MYEF2: variants seen among roughly 807,000 people sequenced by gnomAD.
The protein encoded by MYEF2 is myelin expression factor 2.
In MYEF2, 37 loss-of-function variants were observed where a neutral mutation model predicts 75.2. The observed-to-expected ratio is 0.49, with a 90% CI of 0.38 to 0.65. The LOEUF (loss-of-function observed/expected upper bound fraction) is 0.65. Among genes scored for constraint, MYEF2 ranks in the 30% least tolerant of loss-of-function variants. MYEF2 has a pLI of 0.00. For missense variants in MYEF2, 634 were observed against 771.4 expected, an observed-to-expected ratio of 0.82 and a Z score of 2.11; for synonymous variants, 195 against 241.6, an observed-to-expected ratio of 0.81 and a Z score of 1.79.
chr15:48,154,256 A>G (rs2039601276), intron 9 of MYEF2, among the ~76,000 whole-genome samples: 1 of 152,140 alleles, frequency 6.6e-6, no homozygotes, highest in Admixed American at 6.6e-5. Context: ...AAATTTGTAG[A>G]CCCACTTAAA....
In MYEF2 at chr15:48,159,811, C is replaced by T. The variant is rs972048549; in HGVS notation, c.526-7G>A. The T allele has an allele frequency of 1.2e-6, 2 of 1,605,196 alleles. No homozygotes were observed. Among genetic ancestry groups the T allele is most frequent in the Non-Finnish European group, 1.7e-6 (2 of 1,176,900 alleles). ...CATTTTCTCCATCAGGATCCTATAA[C>T]ACACATTGAATGTTAAATTCCACTA... On this transcript the variant is annotated splice_polypyrimidine_tract_variant and splice_region_variant and intron_variant, in intron 5 of 16. Coordinates refer to ENST00000324324, the MANE Select transcript of MYEF2 (RefSeq NM_016132.5).
chr15:48,143,074 G>A lies in MYEF2; in HGVS notation c.1640-3C>T, dbSNP rs764447497. On this transcript the variant is annotated splice_region_variant and splice_polypyrimidine_tract_variant and intron_variant, in intron 16 of 16. Coordinates refer to ENST00000324324, the MANE Select transcript of MYEF2 (RefSeq NM_016132.5). ...TATTTCTGCAAACATTACATGACCT[G>A]TAAAATAAAAGTTACAGAATTACTA... The A allele has an allele frequency of 1.3e-6, 2 of 1,503,000 alleles. No individual in the cohort carries two copies. The highest frequency in any genetic ancestry group is 2.6e-5 in the East Asian group (1 of 39,190). 93.1% of individuals were successfully genotyped at this position (1,503,000 alleles called of 1,614,324 possible).
rs138732083 is a variant in MYEF2, at chr15:48,166,818, T to C, written c.423+531A>G. Among the ~76,000 whole-genome samples the C allele has an allele frequency of 8.5e-5, 13 of 152,162 alleles. No homozygotes were observed. The East Asian group carries it at 2.3e-3, about 27-fold the overall frequency. ...CCATTGTATTCTTCAGTATACTGCA[T>C]TCTTATTGCTAAAAATCAAAATATA... On this transcript the variant is annotated intron_variant, in intron 3 of 16. Transcript: ENST00000324324.
At position 48,135,674 on chromosome 15, in the gene MYEF2, T is replaced by C. The variant is rs1355992923; in HGVS notation, c.*7234A>G. On this transcript the variant is annotated 3_prime_UTR_variant, in exon 17 of 17. Coordinates refer to ENST00000324324, the MANE Select transcript of MYEF2 (RefSeq NM_016132.5). The stretch of plus-strand genomic sequence containing the variant: ...GTAAAACACAGCTACACAGGTTATA[T>C]ACATTGCATAACTCCAGAGGACACC... 3 of 151,204 alleles carry C rather than the reference T, an allele frequency of 2.0e-5. No homozygotes were observed. The highest frequency in any genetic ancestry group is 7.3e-5 in the African/African-American group (3 of 41,004). The allele number at this position is 151,204 out of a possible 1,614,324, so 9.4% of individuals were successfully genotyped here. A position where few individuals can be genotyped will look rare whatever the true frequency, so the allele number is the denominator to read the frequency against.
chr15:48,137,808 A>G lies in MYEF2; in HGVS notation c.*5100T>C, dbSNP rs2038939109. On this transcript the variant is annotated 3_prime_UTR_variant, in exon 17 of 17. Transcript: ENST00000324324. ...CTGGTTTGGAAGAAAGAAGAAAAACAGCTGAGGTTTACCATTGTTTAAAGC... is the reference window on the plus strand; with the variant it reads ...CTGGTTTGGAAGAAAGAAGAAAAACGGCTGAGGTTTACCATTGTTTAAAGC... The G allele has an allele frequency of 6.6e-6, 1 of 152,184 alleles. No homozygotes were observed. The highest frequency in any genetic ancestry group is 2.4e-5 in the African/African-American group (1 of 41,454). 9.4% of individuals were successfully genotyped at this position (152,184 alleles called of 1,614,324 possible).
chr15:48,171,025 TA>T (rs1372709166), intron 1 of MYEF2, among the ~76,000 whole-genome samples: 2 of 152,120 alleles, frequency 1.3e-5, no homozygotes, highest in Non-Finnish European at 2.9e-5. Context: ...TGGCATGGCC[TA>T]GGGGGGAGTC....
At chr15:48,155,320 T>A (rs879384512) in intron 9 of MYEF2, among the ~76,000 whole-genome samples, 1 of 152,050 alleles carries the variant, frequency 6.6e-6, no homozygotes, top group African/African-American at 2.4e-5. Flanking sequence ...CCCAATAAAA[T>A]TTTTAATTCA....
chr15:48,142,174 C>T lies in MYEF2; in HGVS notation c.*734G>A. 4 of 1,613,778 alleles carry T rather than the reference C, an allele frequency of 2.5e-6. No homozygotes were observed. The highest frequency in any genetic ancestry group is 3.4e-6 in the Non-Finnish European group (4 of 1,179,860). On this transcript the variant is annotated 3_prime_UTR_variant, in exon 17 of 17. Coordinates refer to ENST00000324324, the MANE Select transcript of MYEF2 (RefSeq NM_016132.5). The stretch of plus-strand genomic sequence containing the variant: ...ACAGCAGAGGACTAACTTACATAAC[C>T]ATCTCTCTCAACATTTCAATTATTT...
chr15:48,162,292 C>T (rs1010193867), intron 5 of MYEF2, among the ~76,000 whole-genome samples: 2 of 152,106 alleles, frequency 1.3e-5, no homozygotes, highest in African/African-American at 4.8e-5. Context: ...GAGCACTGTG[C>T]TTAGTGCTTT....
intron 5 of MYEF2, among the ~76,000 whole-genome samples, chr15:48,163,542 A>G (rs1480989639): frequency 6.6e-6 from 1 of 152,212 alleles, no homozygotes; most frequent in Non-Finnish European, 1.5e-5. Context: ...CCTAGCTAAG[A>G]TCATTGATGA....
In MYEF2 at chr15:48,178,294, A is replaced by T; in HGVS notation, c.-57T>A. The T allele has an allele frequency of 7.4e-7, 1 of 1,350,434 alleles. No homozygotes were observed. Among genetic ancestry groups the T allele is most frequent in the African/African-American group, 1.5e-5 (1 of 64,810 alleles). 83.7% of individuals were successfully genotyped at this position (1,350,434 alleles called of 1,614,324 possible). ...GAGCTGAGGGGCTCCGAGCGCGACA[A>T]TGGCGGCTGCCGGGGAAGCGGTAAC... On this transcript the variant is annotated 5_prime_UTR_variant, in exon 1 of 17. The change creates a new upstream start codon in the 5' untranslated region. Coordinates refer to ENST00000324324, the MANE Select transcript of MYEF2 (RefSeq NM_016132.5).
chr15:48,147,753 T>C lies in MYEF2; in HGVS notation c.1639+1279A>G, dbSNP rs546797035. Among the ~76,000 whole-genome samples the C allele has an allele frequency of 1.8e-4, 27 of 152,132 alleles. No individual in the cohort carries two copies. The South Asian group carries it at 5.6e-3, about 31-fold the overall frequency. On this transcript the variant is annotated intron_variant, in intron 16 of 16. Coordinates refer to ENST00000324324, the MANE Select transcript of MYEF2 (RefSeq NM_016132.5). ...ATCAAGAAAGAGAGTCAACAGAACA[T>C]CCTAGACAAATTCATGTTGTATGTT... is the stretch of plus-strand genomic sequence containing the variant.
At chr15:48,169,005 C>T (rs1234473899) in intron 1 of MYEF2, among the ~76,000 whole-genome samples, 166 bp from the exon 2 acceptor site, 2 of 152,164 alleles carry the variant, frequency 1.3e-5, no homozygotes, top group African/African-American at 2.4e-5. Context: ...TGAAATTACC[C>T]AATGCTATTT....
chr15:48,148,374 G>C (rs1380189363), intron 16 of MYEF2, among the ~76,000 whole-genome samples: 1 of 152,002 alleles, frequency 6.6e-6, no homozygotes, highest in African/African-American at 2.4e-5. Flanking sequence ...TTTTTTAAAA[G>C]TGATAAACCA....
At position 48,157,993 on chromosome 15, in the gene MYEF2, G is replaced by A. The variant is rs771221591; in HGVS notation, c.985C>T (p.Arg329Cys). The change falls in exon 9 of 17, where the codon CGT (arginine) becomes TGT (cysteine). Residue 329 changes from arginine (R) to cysteine (C), a missense_variant and splice_region_variant. Physicochemically the swap from Arg to Cys is radical, Grantham distance 180 (BLOSUM62 -3). Coordinates refer to ENST00000324324, the MANE Select transcript of MYEF2 (RefSeq NM_016132.5). ...GTTTCTCATAATAGCTTTTACTTACGTGGTAATTGTGGTGTTTTACCATCA... is the reference window on the plus strand; with the variant it reads ...GTTTCTCATAATAGCTTTTACTTACATGGTAATTGTGGTGTTTTACCATCA... ...SHDGKTPQLP[R>C]GLGGIGMGLG... is the part of the protein sequence containing the mutation. 14 of 1,612,814 alleles carry A rather than the reference G, an allele frequency of 8.7e-6. No homozygotes were observed. Among genetic ancestry groups the A allele is most frequent in the African/African-American group, 5.3e-5 (4 of 74,976 alleles).
chr15:48,160,181 A>G (rs1309184641), intron 5 of MYEF2, among the ~76,000 whole-genome samples: 3 of 152,252 alleles, frequency 2.0e-5, no homozygotes, highest in South Asian at 2.1e-4. Flanking sequence ...TGGATGCCCA[A>G]TGGAATGCCA....
At position 48,135,044 on chromosome 15, in the gene MYEF2, A is replaced by C. The variant is rs549567134; in HGVS notation, c.*7864T>G. The C allele has an allele frequency of 1.8e-4, 246 of 1,363,890 alleles. 1 individual carries two copies. In the African/African-American group the frequency reaches 3.3e-3, roughly 18 times the overall value. 84.5% of individuals were successfully genotyped at this position (1,363,890 alleles called of 1,614,324 possible). On this transcript the variant is annotated 3_prime_UTR_variant, in exon 17 of 17. Transcript: ENST00000324324. ...AGATTTTATGAATTTCTGATGGTTC[A>C]GTAATTTTTTTTCAGAAATGTTATT...
intron 7 of MYEF2, 30 bp downstream of exon 7, chr15:48,158,739 T>A: frequency 6.2e-7 from 1 of 1,612,602 alleles, no homozygotes; most frequent in Non-Finnish European, 8.5e-7. Context: ...TTCAACCTCA[T>A]AAACAATGCT....
At position 48,167,391 on chromosome 15, in the gene MYEF2, AACCTC is replaced by A. The variant is rs759177958; in HGVS notation, c.376_380del (p.Glu126TyrfsTer7). On this transcript the variant is annotated frameshift_variant, in exon 3 of 17. Coordinates refer to ENST00000324324, the MANE Select transcript of MYEF2 (RefSeq NM_016132.5). LOFTEE classifies it high-confidence loss of function. ...CATCCTTAAAGAGCTCCACGTATGT[AACCTC>A]ACCAACTACATAAGACATACAAAAG... 4.3e-6 allele frequency: 7 copies of A among 1,613,022 alleles called. No homozygotes were observed. Among genetic ancestry groups the A allele is most frequent in the Non-Finnish European group, 5.9e-6 (7 of 1,179,124 alleles).
Sources: allele counts gnomAD v4.1 joint callset (sites outside exome capture counted in the v4.1 genomes callset), GRCh38; gene constraint gnomAD v4.1.1; transcripts MANE v1.5; gene names NCBI Gene and HGNC (gene_info 2026-07-23, HGNC 2026-07-21).